The following SCD5 variants were observed in gnomAD, a reference collection of about 807,000 sequenced individuals.
SCD5 encodes the protein stearoyl-CoA desaturase 5.
In SCD5, 20 loss-of-function variants were observed where a neutral mutation model predicts 30.4. The observed-to-expected ratio is 0.66, with a 90% CI of 0.46 to 0.96. The LOEUF is 0.96. SCD5 is among the 40% of genes least tolerant of loss of function. The pLI, the probability that SCD5 is intolerant of heterozygous loss-of-function variation, is 0.00. For missense variants in SCD5, 381 were observed against 443.3 expected (o/e 0.86, Z 1.26); for synonymous variants, 173 against 176.4 (o/e 0.98, Z 0.16).
At chr4:82,738,020 A>AAAC (rs1441834309) in intron 1 of SCD5, among the ~76,000 whole-genome samples, 2 of 152,158 alleles carry the variant, frequency 1.3e-5, no homozygotes, top group Admixed American at 1.3e-4. Context: ...CCAAATTGTA[A>AAAC]AACAACAACA....
chr4:82,681,462 G>C (rs188793455), intron 2 of SCD5, among the ~76,000 whole-genome samples: 23 of 152,244 alleles, frequency 1.5e-4, no homozygotes, highest in African/African-American at 5.5e-4. Context: ...TGGGTTGAAT[G>C]GTTGTTCTGT....
chr4:82,745,557 T>G (rs1011056068), intron 1 of SCD5, among the ~76,000 whole-genome samples: 4 of 152,212 alleles, frequency 2.6e-5, no homozygotes, highest in African/African-American at 9.6e-5. Context: ...TGTGCAGGTT[T>G]GTTACATAGT....
intron 3 of SCD5, among the ~76,000 whole-genome samples, chr4:82,639,743 G>A (rs549940317): frequency 2.8e-4 from 43 of 152,280 alleles, no homozygotes; most frequent in Non-Finnish European, 4.0e-4. Flanking sequence ...CTTCTTGTCC[G>A]CACCTCTAAG....
chr4:82,687,335 GA>G (rs1432687763), intron 2 of SCD5, among the ~76,000 whole-genome samples: 1 of 152,138 alleles, frequency 6.6e-6, no homozygotes, highest in Non-Finnish European at 1.5e-5. Flanking sequence ...TTCTCTCTAG[GA>G]ATTGGGACTG....
chr4:82,789,733 G>A (rs1448186251), intron 1 of SCD5, among the ~76,000 whole-genome samples: 1 of 152,156 alleles, frequency 6.6e-6, no homozygotes. Flanking sequence ...AATGGGCAGC[G>A]AGATATGAAG....
intron 1 of SCD5, among the ~76,000 whole-genome samples, chr4:82,747,025 G>A (rs923909788): frequency 7.1e-6 from 1 of 141,362 alleles, no homozygotes; most frequent in Non-Finnish European, 1.5e-5. Flanking sequence ...AGGCACCAAG[G>A]GGAGTTCGGT....
At chr4:82,694,286 A>G (rs1046866307) in intron 2 of SCD5, among the ~76,000 whole-genome samples, 2 of 152,114 alleles carry the variant, frequency 1.3e-5, no homozygotes, top group Non-Finnish European at 2.9e-5. Flanking sequence ...GAGTTCTCAG[A>G]TGCTTGCCCA....
At chr4:82,653,758 T>C (rs573902035) in intron 3 of SCD5, among the ~76,000 whole-genome samples, 1 of 138,932 alleles carries the variant, frequency 7.2e-6, no homozygotes, top group South Asian at 2.3e-4. Context: ...TATGCCCAGC[T>C]AAGAACCATA....
rs1352862495 is a variant in SCD5, at chr4:82,636,650, C to G, written c.743G>C (p.Arg248Pro). Residue 248 changes from arginine to proline, a missense_variant, in exon 4 of 5, where the codon CGG becomes CCG. Arg to Pro is a moderately radical substitution (Grantham distance 103). Coordinates refer to ENST00000319540, the MANE Select transcript of SCD5 (RefSeq NM_001037582.3). ...AGGGCTGATGTGCTTGTCATAGGGC[C>G]GGTTTCCATACATGTGGGCGGCGCT... ...VNSAAHMYGN[R>P]PYDKHISPRQ... is the part of the protein sequence containing the mutation. The G allele has an allele frequency of 6.2e-7, 1 of 1,614,168 alleles. No individual in the cohort carries two copies. Among genetic ancestry groups the G allele is most frequent in the Non-Finnish European group, 8.5e-7 (1 of 1,180,038 alleles).
chr4:82,753,726 C>A (rs937478579), intron 1 of SCD5, among the ~76,000 whole-genome samples: 8 of 152,104 alleles, frequency 5.3e-5, no homozygotes, highest in African/African-American at 1.9e-4. Context: ...TTGCCTCCCC[C>A]CTCAGCCATC....
intron 1 of SCD5, among the ~76,000 whole-genome samples, chr4:82,783,512 G>C (rs1388392070): frequency 1.3e-5 from 2 of 152,054 alleles, no homozygotes; most frequent in African/African-American, 4.8e-5. Flanking sequence ...GATTTAAAAA[G>C]GAAAAAAATT....
At chr4:82,720,465 A>C (rs1720347901) in intron 1 of SCD5, among the ~76,000 whole-genome samples, 1 of 149,624 alleles carries the variant, frequency 6.7e-6, no homozygotes, top group African/African-American at 2.5e-5. Context: ...AAAAAAAAAG[A>C]CAAAAGAGAA....
At position 82,665,051 on chromosome 4, in the gene SCD5, T is replaced by TACAC. The variant is rs1553914975; in HGVS notation, c.569+15652_569+15655dup. On this transcript the variant is annotated intron_variant, in intron 3 of 4. Transcript: ENST00000319540. ...ATACACACACACACACACACATATA[T>TACAC]ACACACACACATATATATATATATA... is the stretch of plus-strand genomic sequence containing the variant. Among the ~76,000 whole-genome samples the TACAC allele has an allele frequency of 8.8e-4, 71 of 80,426 alleles. 2 individuals are homozygous for TACAC. The highest frequency in any genetic ancestry group is 3.2e-3 in the African/African-American group (68 of 21,324). 52.8% of individuals were successfully genotyped at this position (80,426 alleles called of 152,430 possible).
chr4:82,660,563 C>T (rs535131261), intron 3 of SCD5: 1 of 1,185,400 alleles, frequency 8.4e-7, no homozygotes, highest in Admixed American at 4.1e-5. Context: ...CATACTTTCA[C>T]ATATATTAAC....
At chr4:82,779,527 G>A (rs528287671) in intron 1 of SCD5, among the ~76,000 whole-genome samples, 7 of 152,304 alleles carry the variant, frequency 4.6e-5, no homozygotes, top group African/African-American at 1.7e-4. Context: ...ATGCATCAGT[G>A]GGCAATGCTG....
Position 82,654,516 on chromosome 4 carries a change from AT to A in SCD5, c.570-17694del, listed in dbSNP as rs961250104. Reference sequence around the variant, plus strand: ...GCCTATGCTTTACTTTAAATAAAACATTTTTTTTTGAAGGCGTGAAAGCATT... The same window carrying A: ...GCCTATGCTTTACTTTAAATAAAACATTTTTTTTGAAGGCGTGAAAGCATT... On this transcript the variant is annotated intron_variant, in intron 3 of 4. Transcript: ENST00000319540. Among the ~76,000 whole-genome samples, 45 of 151,852 alleles carry A rather than the reference AT, an allele frequency of 3.0e-4. No individual in the cohort carries two copies. The East Asian group carries it at 6.8e-3, about 23-fold the overall frequency.
chr4:82,662,075 C>T (rs893884572), intron 3 of SCD5, among the ~76,000 whole-genome samples: 13 of 152,180 alleles, frequency 8.5e-5, no homozygotes, highest in African/African-American at 2.9e-4. Context: ...ATTTATGAGA[C>T]AGGGTCTCCC....
chr4:82,662,223 A>C (rs1047723034), intron 3 of SCD5, among the ~76,000 whole-genome samples: 1 of 151,892 alleles, frequency 6.6e-6, no homozygotes, highest in African/African-American at 2.4e-5. Flanking sequence ...TGCTCAGCTA[A>C]TTTTCTTATT....
At chr4:82,685,429 G>A in intron 2 of SCD5, among the ~76,000 whole-genome samples, 1 of 152,114 alleles carries the variant, frequency 6.6e-6, no homozygotes, top group Non-Finnish European at 1.5e-5. Flanking sequence ...AAGGTGAAAA[G>A]AGGCTGGGCA....
Sources: gnomAD v4.1 joint callset for allele counts (sites outside exome capture counted in the v4.1 genomes callset) on GRCh38, gnomAD v4.1.1 for gene constraint, MANE v1.5 for transcripts, NCBI Gene and HGNC (gene_info 2026-07-23, HGNC 2026-07-21) for gene names.